Variants in SHISA9 observed in about 807,000 individuals in gnomAD.
The protein encoded by SHISA9 is protein shisa-9.
Under a neutral mutation model 38.0 loss-of-function variants are expected in SHISA9, and 13 were observed. The ratio of observed to expected loss-of-function variants is 0.34; its 90% CI spans 0.22 to 0.54. SHISA9 has a LOEUF of 0.54. Ranked by LOEUF, SHISA9 falls within the 20% of genes least tolerant of loss-of-function variation. The pLI is 0.91. For missense variants in SHISA9, 538 were observed against 575.8 expected (o/e 0.93, Z 0.67); for synonymous variants, 275 against 242.0 (o/e 1.14, Z -1.27).
At chr16:13,110,880 C>G (rs13334292) in intron 2 of SHISA9, among the ~76,000 whole-genome samples, 1 of 152,166 alleles carries the variant, frequency 6.6e-6, no homozygotes, top group Non-Finnish European at 1.5e-5. Flanking sequence ...TGATCCTCCC[C>G]TCATGGGCCT....
the SHISA9 span, among the ~76,000 whole-genome samples, chr16:13,493,180 T>G: frequency 6.6e-6 from 1 of 151,596 alleles, no homozygotes; most frequent in Non-Finnish European, 1.5e-5. Flanking sequence ...GCATATCAAG[T>G]GCTTTTGAAA....
chr16:13,392,284 G>T, the SHISA9 span, among the ~76,000 whole-genome samples: 1 of 152,170 alleles, frequency 6.6e-6, no homozygotes, highest in Non-Finnish European at 1.5e-5. Context: ...CTACTGGAGT[G>T]TGATGACTTG....
chr16:13,313,491 T>G, the SHISA9 span, among the ~76,000 whole-genome samples: 1 of 152,148 alleles, frequency 6.6e-6, no homozygotes, highest in Admixed American at 6.5e-5. Context: ...TCACATGTTA[T>G]TTAGCCATAT....
chr16:13,019,121 T>A (rs996433477), intron 2 of SHISA9, among the ~76,000 whole-genome samples: 1 of 152,114 alleles, frequency 6.6e-6, no homozygotes, highest in Non-Finnish European at 1.5e-5. Flanking sequence ...TGCCTTACCC[T>A]CCCGAGTAGC....
At chr16:13,046,660 A>G (rs373682917) in intron 2 of SHISA9, among the ~76,000 whole-genome samples, 3 of 152,340 alleles carry the variant, frequency 2.0e-5, no homozygotes, top group East Asian at 1.9e-4. Context: ...TAACAAAGAA[A>G]GTTAAATTCC....
At chr16:13,147,251 G>C (rs1319855497) in intron 2 of SHISA9, among the ~76,000 whole-genome samples, 1 of 152,102 alleles carries the variant, frequency 6.6e-6, no homozygotes, top group Non-Finnish European at 1.5e-5. Context: ...ATGATAAGGA[G>C]ACTGAATTCT....
chr16:13,463,748 C>T, the SHISA9 span, among the ~76,000 whole-genome samples: 605 of 152,300 alleles, frequency 4.0e-3, 4 homozygotes, highest in African/African-American at 0.014. Context: ...CAGGAAATAT[C>T]GAGCAAATGG....
the SHISA9 span, among the ~76,000 whole-genome samples, chr16:13,547,144 C>A: frequency 2.0e-5 from 3 of 152,246 alleles, no homozygotes; most frequent in South Asian, 4.1e-4. Flanking sequence ...TTAACTAATT[C>A]ATCCAACAAA....
At position 12,978,960 on chromosome 16, in the gene SHISA9, G is replaced by GCAAATGTCTCACA. The variant is rs2072203824; in HGVS notation, c.691+62145_691+62146insCAAATGTCTCACA. ...AAGTTTCCATAATGAAATGTTGGGG[G>GCAAATGTCTCACA]AACAAAACAGTGAGACATGAAATGG... On this transcript the variant is annotated intron_variant, in intron 2 of 4. Coordinates refer to ENST00000558583, the MANE Select transcript of SHISA9 (RefSeq NM_001145204.3). Among the ~76,000 whole-genome samples the GCAAATGTCTCACA allele has an allele frequency of 2.0e-5, 3 of 152,206 alleles. No homozygotes were observed. In the South Asian group the frequency reaches 6.2e-4, roughly 32 times the overall value.
chr16:13,293,115 C>T, the SHISA9 span, among the ~76,000 whole-genome samples: 7 of 152,148 alleles, frequency 4.6e-5, no homozygotes, highest in South Asian at 1.2e-3. Context: ...ATAGCCTTCA[C>T]ATATTACCCA....
chr16:12,916,011 G>GTGT lies in SHISA9; in HGVS notation c.564-676_564-675insGTT, dbSNP rs2071251026. 3.3e-5 allele frequency among the ~76,000 whole-genome samples: 3 copies of GTGT among 90,438 alleles called. No individual in the cohort carries two copies. The East Asian group carries it at 8.8e-4, about 27-fold the overall frequency. 59.3% of individuals were successfully genotyped at this position (90,438 alleles called of 152,430 possible). ...GTTTTTTTTTTGTGTGTGTGTGTGT[G>GTGT]TTTTTTTTTTTTTTTTTTTGCTAAG... On this transcript the variant is annotated intron_variant, in intron 1 of 4. Coordinates refer to ENST00000558583, the MANE Select transcript of SHISA9 (RefSeq NM_001145204.3).
At chr16:13,070,891 C>T (rs1390019510) in intron 2 of SHISA9, among the ~76,000 whole-genome samples, 3 of 152,198 alleles carry the variant, frequency 2.0e-5, no homozygotes, top group Admixed American at 6.5e-5. Context: ...TGAGGAGCCC[C>T]GAGGAAAGAG....
At chr16:13,321,084 G>T in the SHISA9 span, among the ~76,000 whole-genome samples, 1 of 152,334 alleles carries the variant, frequency 6.6e-6, no homozygotes, top group Non-Finnish European at 1.5e-5. Flanking sequence ...TCAAATGTAA[G>T]TAGCCCATGT....
chr16:12,933,245 G>C, intron 2 of SHISA9, among the ~76,000 whole-genome samples: 1 of 151,752 alleles, frequency 6.6e-6, no homozygotes, highest in South Asian at 2.1e-4. Flanking sequence ...CCACATATCA[G>C]AACTGCATTC....
At chr16:13,039,599 C>G (rs1259841714) in intron 2 of SHISA9, among the ~76,000 whole-genome samples, 2 of 151,844 alleles carry the variant, frequency 1.3e-5, no homozygotes, top group Non-Finnish European at 2.9e-5. Context: ...TTACATTACC[C>G]TCTGGAAGAT....
At chr16:13,260,308 G>A in the SHISA9 span, among the ~76,000 whole-genome samples, 16 of 152,042 alleles carry the variant, frequency 1.1e-4, no homozygotes, top group Middle Eastern at 3.4e-3. Context: ...GAGCCACCGC[G>A]CCTGGCCGGG....
chr16:12,977,074 C>T (rs879941426), intron 2 of SHISA9, among the ~76,000 whole-genome samples: 3 of 152,206 alleles, frequency 2.0e-5, no homozygotes, highest in Non-Finnish European at 4.4e-5. Flanking sequence ...GGCCATATGA[C>T]TTACTGTTGC....
chr16:12,941,567 T>C, intron 2 of SHISA9, among the ~76,000 whole-genome samples: 1 of 152,288 alleles, frequency 6.6e-6, no homozygotes, highest in East Asian at 1.9e-4. Flanking sequence ...AATATAAAAT[T>C]AAAACTGTAC....
intron 2 of SHISA9, among the ~76,000 whole-genome samples, chr16:12,950,290 A>C (rs1481599953): frequency 2.0e-5 from 3 of 152,190 alleles, no homozygotes; most frequent in African/African-American, 7.2e-5. Context: ...CGTTGATTCC[A>C]TATCTTGGCT....
Sources: allele counts gnomAD v4.1 joint callset (sites outside exome capture counted in the v4.1 genomes callset), GRCh38; gene constraint gnomAD v4.1.1; transcripts MANE v1.5; gene names NCBI Gene and HGNC (gene_info 2026-07-23, HGNC 2026-07-21).